RASGRP1: variants seen among roughly 807,000 people sequenced by gnomAD.
RASGRP1 encodes RAS guanyl-releasing protein 1.
A neutral mutation model predicts 95.1 loss-of-function variants in RASGRP1; 37 were observed. The ratio of observed to expected loss-of-function variants is 0.39; its 90% CI spans 0.30 to 0.51. The LOEUF (loss-of-function observed/expected upper bound fraction) is 0.51. RASGRP1 is among the 20% of genes least tolerant of loss of function. The pLI is 0.80. For synonymous variants in RASGRP1, 325 were observed against 353.4 expected, an observed-to-expected ratio of 0.92 and a Z score of 0.90; for missense variants, 711 against 965.4, an observed-to-expected ratio of 0.74 and a Z score of 3.49.
At chr15:38,506,987 A>G (rs1444775709) in intron 9 of RASGRP1, among the ~76,000 whole-genome samples, 1 of 152,222 alleles carries the variant, frequency 6.6e-6, no homozygotes, top group East Asian at 1.9e-4. Flanking sequence ...GGTTCTATCA[A>G]AATGCTGCTG....
intron 12 of RASGRP1, 189 bp from the exon 13 acceptor site, chr15:38,501,476 G>C (rs768154386): frequency 2.6e-6 from 2 of 766,776 alleles, no homozygotes; most frequent in Non-Finnish European, 4.5e-6. Flanking sequence ...TGGTAAGTAG[G>C]TAAGGCAGCA....
Position 38,518,428 on chromosome 15 carries a change from A to G in RASGRP1, c.390-5T>C. On this transcript the variant is annotated splice_region_variant and splice_polypyrimidine_tract_variant and intron_variant, in intron 4 of 16. Coordinates refer to ENST00000310803, the MANE Select transcript of RASGRP1 (RefSeq NM_005739.4). ...CAGAATTCTGTTATCCAATACCTACAAGGAGGGGGTTAAAAAACACAATCC... is the reference window on the plus strand; with the variant it reads ...CAGAATTCTGTTATCCAATACCTACGAGGAGGGGGTTAAAAAACACAATCC... The G allele has an allele frequency of 6.3e-7, 1 of 1,598,462 alleles. No homozygotes were observed. Among genetic ancestry groups the G allele is most frequent in the Non-Finnish European group, 8.5e-7 (1 of 1,171,930 alleles).
chr15:38,519,878 TGAA>T lies in RASGRP1; in HGVS notation c.327-510_327-508del, dbSNP rs539413689. 9.9e-5 allele frequency among the ~76,000 whole-genome samples: 15 copies of T among 152,284 alleles called. 1 individual carries two copies. The highest frequency in any genetic ancestry group is 3.4e-4 in the African/African-American group (14 of 41,564). On this transcript the variant is annotated intron_variant, in intron 3 of 16. Transcript: ENST00000310803. ...TCAATATTCAGATATGTCATGATAA[TGAA>T]GAACAATAATATGAAAGTTACAATA...
chr15:38,552,352 C>T (rs1393810761), intron 2 of RASGRP1, among the ~76,000 whole-genome samples: 2 of 152,172 alleles, frequency 1.3e-5, no homozygotes, highest in Non-Finnish European at 2.9e-5. Context: ...TTTAGGGTCC[C>T]TTCCCACCTC....
intron 2 of RASGRP1, among the ~76,000 whole-genome samples, chr15:38,545,266 C>T (rs1893064993): frequency 6.6e-6 from 1 of 152,184 alleles, no homozygotes; most frequent in Admixed American, 6.5e-5. Context: ...CTCTCTCTAG[C>T]CTTTCCATTC....
chr15:38,561,484 G>C (rs950667078), intron 1 of RASGRP1, among the ~76,000 whole-genome samples: 6 of 152,232 alleles, frequency 3.9e-5, no homozygotes, highest in Admixed American at 1.3e-4. Context: ...TGGGAAAGCT[G>C]CTCTGACAGG....
intron 2 of RASGRP1, among the ~76,000 whole-genome samples, chr15:38,536,756 T>A (rs564343036): frequency 6.6e-6 from 1 of 152,326 alleles, no homozygotes. Context: ...AAAATATGCT[T>A]TTCACCACAG....
At chr15:38,518,530 C>CA in intron 4 of RASGRP1, 107 bp from the exon 5 acceptor site, 1 of 1,241,316 alleles carries the variant, frequency 8.1e-7, no homozygotes, top group Non-Finnish European at 1.1e-6. Flanking sequence ...CAGAAAAAGA[C>CA]AAAGTCTGAT....
rs1486766488 is a variant in RASGRP1, at chr15:38,498,680, CT to C, written c.1873+113del. ...GTGGGAGGGGTCAGCCCTGGCCTAG[CT>C]GTTGAGGTTACATTTAAACTCAAAC... On this transcript the variant is annotated intron_variant, in intron 15 of 16. Coordinates refer to ENST00000310803, the MANE Select transcript of RASGRP1 (RefSeq NM_005739.4). 2.3e-6 allele frequency: 3 copies of C among 1,312,814 alleles called. No individual in the cohort carries two copies. In the African/African-American group the frequency reaches 4.5e-5, roughly 19 times the overall value. The allele number at this position is 1,312,814 out of a possible 1,614,324, so 81.3% of individuals were successfully genotyped here.
At chr15:38,538,475 G>T (rs1892745379) in intron 2 of RASGRP1, among the ~76,000 whole-genome samples, 1 of 152,168 alleles carries the variant, frequency 6.6e-6, no homozygotes, top group South Asian at 2.1e-4. Context: ...TACATTCAAG[G>T]TTTAGCCACC....
chr15:38,546,877 C>T (rs1310830823), intron 2 of RASGRP1, among the ~76,000 whole-genome samples: 1 of 152,184 alleles, frequency 6.6e-6, no homozygotes, highest in Non-Finnish European at 1.5e-5. Context: ...TTCCCCCCAT[C>T]CAGAACATAT....
At chr15:38,527,295 G>A (rs997748350) in intron 2 of RASGRP1, among the ~76,000 whole-genome samples, 1 of 152,214 alleles carries the variant, frequency 6.6e-6, no homozygotes, top group Non-Finnish European at 1.5e-5. Flanking sequence ...GAGACTGGGA[G>A]TGGAGGGAAG....
chr15:38,527,157 T>G (rs557592377), intron 2 of RASGRP1, among the ~76,000 whole-genome samples: 3 of 152,358 alleles, frequency 2.0e-5, no homozygotes, highest in Admixed American at 6.5e-5. Context: ...TCAACATTTA[T>G]GGCATGAAGT....
At chr15:38,534,508 C>T (rs1250896608) in intron 2 of RASGRP1, 1 of 152,194 alleles carries the variant, frequency 6.6e-6, no homozygotes, top group African/African-American at 2.4e-5. Context: ...CTTGTAATGG[C>T]TGGGGGACAC....
chr15:38,551,332 A>G (rs1175604921), intron 2 of RASGRP1, among the ~76,000 whole-genome samples: 2 of 152,216 alleles, frequency 1.3e-5, no homozygotes, highest in Admixed American at 6.5e-5. Context: ...TCTTCCAGAC[A>G]CTTTAAGTCT....
rs188170608 is a variant in RASGRP1 at position 38,537,271 on chromosome 15, G to C, written c.221-10867C>G. On this transcript the variant is annotated intron_variant, in intron 2 of 16. Transcript: ENST00000310803. ...AAGAAAATATAATTTATAAAGAAAA[G>C]AAATTTAATTGGTTCAAGGTTCTGC... Among the ~76,000 whole-genome samples, 30 of 152,226 alleles carry C rather than the reference G, an allele frequency of 2.0e-4. No homozygotes were observed. The East Asian group carries it at 3.1e-3, about 16-fold the overall frequency.
intron 1 of RASGRP1, among the ~76,000 whole-genome samples, chr15:38,561,171 T>C (rs1893793908): frequency 6.6e-6 from 1 of 152,232 alleles, no homozygotes. Context: ...CTATATATGA[T>C]AAATGCATAA....
At chr15:38,510,850 A>G (rs1368214710) in intron 8 of RASGRP1, among the ~76,000 whole-genome samples, 1 of 152,158 alleles carries the variant, frequency 6.6e-6, no homozygotes, top group African/African-American at 2.4e-5. Flanking sequence ...GGTCCTAGCT[A>G]CTTGGTAGGC....
intron 3 of RASGRP1, chr15:38,524,235 A>G (rs1309216783): frequency 6.7e-6 from 1 of 149,366 alleles, no homozygotes; most frequent in Non-Finnish European, 1.5e-5. Context: ...CCAATTTCCA[A>G]AAAAAAAAGG....
Sources: gnomAD v4.1 joint callset for allele counts (sites outside exome capture counted in the v4.1 genomes callset) on GRCh38, gnomAD v4.1.1 for gene constraint, MANE v1.5 for transcripts, NCBI Gene and HGNC (gene_info 2026-07-23, HGNC 2026-07-21) for gene names.